FAM20C: variants seen among roughly 807,000 people sequenced by gnomAD.
The protein encoded by FAM20C is extracellular serine/threonine protein kinase FAM20C.
A neutral mutation model predicts 51.5 loss-of-function variants in FAM20C; 40 were observed. That is an observed-to-expected ratio of 0.78 (90% confidence interval 0.60 to 1.01). The LOEUF (loss-of-function observed/expected upper bound fraction) is 1.01, where lower values mean the gene tolerates loss of function less well. Ranked by LOEUF, FAM20C falls within the 50% of genes least tolerant of loss-of-function variation. The pLI is 0.00. For synonymous variants in FAM20C, 406 were observed against 380.6 expected (o/e 1.07, Z -0.78); for missense variants, 861 against 844.7 (o/e 1.02, Z -0.24).
intron 9 of FAM20C, 43 bp downstream of exon 9, chr7:258,748 C>T (rs1326159653): frequency 9.3e-6 from 14 of 1,511,832 alleles, no homozygotes; most frequent in Non-Finnish European, 1.2e-5. Flanking sequence ...ACCCTCCTCC[C>T]TACTGCGCAG....
intron 3 of FAM20C, among the ~76,000 whole-genome samples, chr7:243,941 A>T (rs573325181): frequency 0.24 from 27,112 of 111,262 alleles, 3,292 homozygotes; most frequent in African/African-American, 0.45. Context: ...TAATAATAAT[A>T]ATAATTATTA....
At chr7:193,960 C>T in intron 1 of FAM20C, 156 bp downstream of exon 1, 1 of 1,165,694 alleles carries the variant, frequency 8.6e-7, no homozygotes, top group African/African-American at 1.6e-5. Context: ...CAGGGCGCTG[C>T]CTTTGTCTCC....
At chr7:194,998 T>C (rs907137363) in intron 1 of FAM20C, among the ~76,000 whole-genome samples, 1 of 152,186 alleles carries the variant, frequency 6.6e-6, no homozygotes, top group Non-Finnish European at 1.5e-5. Flanking sequence ...GAGTGCTGCC[T>C]CCTTCCTCTC....
intron 3 of FAM20C, among the ~76,000 whole-genome samples, chr7:213,504 T>G (rs1216404187): frequency 6.6e-6 from 1 of 152,246 alleles, no homozygotes; most frequent in Non-Finnish European, 1.5e-5. Flanking sequence ...GCAGCACGCA[T>G]AGGTGCCTCC....
At chr7:251,519 C>CAA (rs748298637) in intron 5 of FAM20C, among the ~76,000 whole-genome samples, 7,488 of 137,298 alleles carry the variant, frequency 0.055, 240 homozygotes, top group Non-Finnish European at 0.083. Context: ...GACCCCGTCT[C>CAA]AAAAAAAAAA....
chr7:231,460 C>CTGG (rs1787676952), intron 3 of FAM20C, among the ~76,000 whole-genome samples: 4 of 151,108 alleles, frequency 2.6e-5, no homozygotes, highest in Non-Finnish European at 4.4e-5. Context: ...GAGGAGGGTC[C>CTGG]CGGCGTGGAG....
In FAM20C at chr7:252,727, GC is replaced by G. The variant is rs1037959908; in HGVS notation, c.1073-3117del. 7.2e-5 allele frequency among the ~76,000 whole-genome samples: 11 copies of G among 152,340 alleles called. No individual in the cohort carries two copies. The East Asian group carries it at 1.4e-3, about 19-fold the overall frequency. On this transcript the variant is annotated intron_variant, in intron 5 of 9. Coordinates refer to ENST00000313766, the MANE Select transcript of FAM20C (RefSeq NM_020223.4). Reference sequence around the variant, plus strand: ...GAAGCAGGAGGCTGAGCCCCAGGCAGCCCCCTGCCCCACGTAGGGATTGTGG... The same window carrying G: ...GAAGCAGGAGGCTGAGCCCCAGGCAGCCCCTGCCCCACGTAGGGATTGTGG...
At chr7:199,768 A>G (rs1562363122) in intron 2 of FAM20C, among the ~76,000 whole-genome samples, 2 of 152,174 alleles carry the variant, frequency 1.3e-5, no homozygotes, top group African/African-American at 2.4e-5. Flanking sequence ...ATCTACCTCT[A>G]TTCAGCTTGA....
At chr7:240,561 A>T (rs1268732870) in intron 3 of FAM20C, among the ~76,000 whole-genome samples, 2 of 152,052 alleles carry the variant, frequency 1.3e-5, no homozygotes, top group African/African-American at 4.8e-5. Flanking sequence ...GGTGACATTG[A>T]TAGAAATGGA....
rs951529511 is a variant in FAM20C, at chr7:241,762, G to T, written c.864-4653G>T. On this transcript the variant is annotated intron_variant, in intron 3 of 9. Coordinates refer to ENST00000313766, the MANE Select transcript of FAM20C (RefSeq NM_020223.4). ...GTGTGTGTTTCTGAGTGTGCAGGTG[G>T]GTGTGTGTGCATGAGCGAGTGTGTG... 4.5e-3 allele frequency among the ~76,000 whole-genome samples: 683 copies of T among 151,556 alleles called. 4 individuals are homozygous for T. The highest frequency in any genetic ancestry group is 0.015 in the African/African-American group (626 of 41,270).
chr7:220,698 T>G (rs1394987332), intron 3 of FAM20C, among the ~76,000 whole-genome samples: 1 of 152,154 alleles, frequency 6.6e-6, no homozygotes, highest in Non-Finnish European at 1.5e-5. Context: ...GCTGGCCACG[T>G]GTGCAGGGGA....
chr7:253,217 G>A (rs949549588), intron 5 of FAM20C, among the ~76,000 whole-genome samples: 8 of 152,178 alleles, frequency 5.3e-5, no homozygotes, highest in Admixed American at 2.0e-4. Flanking sequence ...CGCCGGGCCC[G>A]CAGCTGTCCA....
intron 2 of FAM20C, among the ~76,000 whole-genome samples, chr7:203,606 A>G (rs963514301): frequency 3.3e-5 from 5 of 152,214 alleles, no homozygotes; most frequent in African/African-American, 1.2e-4. Flanking sequence ...CAGAAGACCC[A>G]CTTGGTAGAC....
rs189343033 is a variant in FAM20C at position 210,751 on chromosome 7, C to T, written c.863+1775C>T. 1.4e-3 allele frequency among the ~76,000 whole-genome samples: 208 copies of T among 152,258 alleles called. 1 individual carries two copies. Among genetic ancestry groups the T allele is most frequent in the Non-Finnish European group, 2.1e-3 (145 of 68,000 alleles). On this transcript the variant is annotated intron_variant, in intron 3 of 9. Coordinates refer to ENST00000313766, the MANE Select transcript of FAM20C (RefSeq NM_020223.4). ...TGTTCCTGGGCGCCAGCTTGTCCGG[C>T]CCCTATTTCATGGTCCGTGTGAATC...
intron 2 of FAM20C, among the ~76,000 whole-genome samples, chr7:201,663 A>G (rs1296369282): frequency 1.3e-5 from 2 of 152,234 alleles, no homozygotes; most frequent in Non-Finnish European, 2.9e-5. Flanking sequence ...ACCAAAGTCC[A>G]TTAGTATTTC....
intron 6 of FAM20C, chr7:256,288 T>C (rs1440081395): frequency 1.7e-6 from 1 of 591,658 alleles, no homozygotes; most frequent in East Asian, 2.8e-5. Context: ...TCTCAGCGTT[T>C]GAGCTCTGCT....
Position 255,851 on chromosome 7 carries a change from A to G in FAM20C, c.1075A>G (p.Asn359Asp). 6.5e-7 allele frequency: 1 copy of G among 1,536,278 alleles called. No homozygotes were observed. ...ACCCGCAGCCTGTCCCTCCCCAGCC[A>G]ACAACATCTGCTTCTACGGCGAGTG... ...LWRTFFISPA[N>D]NICFYGECSY... The change falls in exon 6 of 10, where the codon AAC becomes GAC. Residue 359 changes from asparagine to aspartate, a missense_variant and splice_region_variant. Asn to Asp is a conservative substitution (Grantham distance 23). Around this residue, in one of 3 missense-constraint regions of FAM20C, gnomAD observed 31 missense variants for 61.1 expected, o/e 0.51. Coordinates refer to ENST00000313766, the MANE Select transcript of FAM20C (RefSeq NM_020223.4).
At chr7:211,159 CCCAGCCTCCG>C (rs1216249803) in intron 3 of FAM20C, among the ~76,000 whole-genome samples, 1 of 147,610 alleles carries the variant, frequency 6.8e-6, no homozygotes, top group Non-Finnish European at 1.5e-5. Flanking sequence ...TGGGCCTCCT[CCCAGCCTCCG>C]CCAACCTCCC....
intron 3 of FAM20C, among the ~76,000 whole-genome samples, chr7:212,539 C>T (rs544647938): frequency 2.2e-4 from 33 of 152,106 alleles, no homozygotes; most frequent in Admixed American, 1.9e-3. Flanking sequence ...AGTACAACGT[C>T]GTGAATTAGA....
Sources: gnomAD v4.1 joint callset for allele counts (sites outside exome capture counted in the v4.1 genomes callset) on GRCh38, gnomAD v4.1.1 for gene constraint, gnomAD v4.1.1 regional missense constraint, MANE v1.5 for transcripts, NCBI Gene and HGNC (gene_info 2026-07-23, HGNC 2026-07-21) for gene names.